Variants in CLOCK observed in about 807,000 individuals in gnomAD.
CLOCK encodes the protein clock circadian regulator.
A neutral mutation model predicts 118.4 loss-of-function variants in CLOCK; 43 were observed. The observed-to-expected ratio is 0.36, with a 90% CI of 0.28 to 0.47. The LOEUF is 0.47. CLOCK is among the 20% of genes least tolerant of loss of function. The pLI, the probability that CLOCK is intolerant of heterozygous loss-of-function variation, is 1.00. For synonymous variants in CLOCK, 326 were observed against 339.2 expected, an observed-to-expected ratio of 0.96 and a Z score of 0.43; for missense variants, 846 against 999.9, an observed-to-expected ratio of 0.85 and a Z score of 2.08.
At chr4:55,514,966 C>A (rs1340700348) in intron 1 of CLOCK, among the ~76,000 whole-genome samples, 1 of 152,138 alleles carries the variant, frequency 6.6e-6, no homozygotes, top group Non-Finnish European at 1.5e-5. Flanking sequence ...GTAATTTCTT[C>A]CTTAAATGTT....
intron 9 of CLOCK, among the ~76,000 whole-genome samples, chr4:55,462,016 TTG>T (rs374486981): frequency 5.3e-5 from 8 of 152,220 alleles, no homozygotes; most frequent in African/African-American, 1.9e-4. Flanking sequence ...GTGTTTTAAC[TTG>T]TGTTTATTCT....
At chr4:55,509,380 A>C (rs1729002030) in intron 2 of CLOCK, among the ~76,000 whole-genome samples, 1 of 152,242 alleles carries the variant, frequency 6.6e-6, no homozygotes, top group Non-Finnish European at 1.5e-5. Context: ...GTCACAAGTT[A>C]GTCTTCGAGA....
chr4:55,513,002 A>T (rs1308331806), intron 1 of CLOCK, among the ~76,000 whole-genome samples: 2 of 152,106 alleles, frequency 1.3e-5, no homozygotes, highest in Non-Finnish European at 2.9e-5. Context: ...ATAACATTGT[A>T]ATGCAATTGC....
intron 8 of CLOCK, among the ~76,000 whole-genome samples, chr4:55,464,578 G>A (rs1046969447): frequency 1.3e-5 from 2 of 152,194 alleles, no homozygotes; most frequent in African/African-American, 4.8e-5. Flanking sequence ...AGTATCTCAA[G>A]GCCTGTAAAG....
rs6824955 is a variant in CLOCK, at chr4:55,450,969, T to A, written c.1207-737A>T. Among the ~76,000 whole-genome samples, 119 of 151,584 alleles carry A rather than the reference T, an allele frequency of 7.9e-4. 1 individual carries two copies. Among genetic ancestry groups the A allele is most frequent in the African/African-American group, 2.8e-3 (117 of 41,276 alleles). On this transcript the variant is annotated intron_variant, in intron 15 of 22. Transcript: ENST00000513440. ...TCATACAGCGACACTAATCTTTCCCTTCACCAATGTTTCTTTCTCCATCAG... is the reference window on the plus strand; with the variant it reads ...TCATACAGCGACACTAATCTTTCCCATCACCAATGTTTCTTTCTCCATCAG...
At chr4:55,438,845 A>C (rs1197248439) in intron 21 of CLOCK, among the ~76,000 whole-genome samples, 1 of 152,240 alleles carries the variant, frequency 6.6e-6, no homozygotes, top group African/African-American at 2.4e-5. Flanking sequence ...AATGGACCAA[A>C]GACCAAAACA....
At chr4:55,465,687 C>T (rs1725684403) in intron 8 of CLOCK, among the ~76,000 whole-genome samples, 1 of 152,162 alleles carries the variant, frequency 6.6e-6, no homozygotes, top group African/African-American at 2.4e-5. Flanking sequence ...GTGCAGTGGT[C>T]ATGCCTGTAA....
At chr4:55,537,824 G>A (rs1351755880) in intron 1 of CLOCK, among the ~76,000 whole-genome samples, 1 of 151,888 alleles carries the variant, frequency 6.6e-6, no homozygotes, top group Non-Finnish European at 1.5e-5. Context: ...CAATTAAAGG[G>A]AAGTTTATAG....
rs1309892342 is a variant in CLOCK, at chr4:55,489,425, C to G, written c.-95G>C. The G allele has an allele frequency of 6.6e-6, 1 of 152,110 alleles. No individual in the cohort carries two copies. The highest frequency in any genetic ancestry group is 1.5e-5 in the Non-Finnish European group (1 of 68,010). The allele number at this position is 152,110 out of a possible 1,614,324, so 9.4% of individuals were successfully genotyped here. On this transcript the variant is annotated 5_prime_UTR_variant, in exon 3 of 23. Coordinates refer to ENST00000513440, the MANE Select transcript of CLOCK (RefSeq NM_004898.4). ...CTGATTCTTCAGGAAACTATAGGTT[C>G]AAGGTACTCTTCTATATGACCAACC...
chr4:55,482,030 G>C (rs1726969619), intron 4 of CLOCK, among the ~76,000 whole-genome samples: 2 of 152,128 alleles, frequency 1.3e-5, no homozygotes, highest in Non-Finnish European at 2.9e-5. Context: ...GAAAAAAAGA[G>C]TGCTACCAAT....
chr4:55,513,785 T>C (rs1182918530), intron 1 of CLOCK, among the ~76,000 whole-genome samples: 4 of 152,112 alleles, frequency 2.6e-5, no homozygotes, highest in Non-Finnish European at 5.9e-5. Context: ...GAACATGTTA[T>C]TTAGTTATTG....
chr4:55,442,534 G>T lies in CLOCK; in HGVS notation c.2003C>A (p.Ser668Tyr). ...TAPLYNTMVI[S>Y]QPAAGSMVQI... ...GACCATGCTTCCGGCTGCAGGCTGAGAAATCACCATAGTGTTATACAGTGG... is the reference window on the plus strand; with the variant it reads ...GACCATGCTTCCGGCTGCAGGCTGATAAATCACCATAGTGTTATACAGTGG... Residue 668 changes from serine (S) to tyrosine (Y), a missense_variant, in exon 21 of 23, where the codon TCT becomes TAT. Coordinates refer to ENST00000513440, the MANE Select transcript of CLOCK (RefSeq NM_004898.4). 6.2e-7 allele frequency: 1 copy of T among 1,610,672 alleles called. No individual in the cohort carries two copies. The highest frequency in any genetic ancestry group is 1.1e-5 in the South Asian group (1 of 90,734).
intron 1 of CLOCK, among the ~76,000 whole-genome samples, chr4:55,521,093 A>G (rs1292508233): frequency 2.6e-5 from 4 of 152,236 alleles, no homozygotes; most frequent in Non-Finnish European, 5.9e-5. Context: ...TATTCTTACA[A>G]AAGTGCAATT....
chr4:55,475,185 T>C (rs1162671220), intron 7 of CLOCK, among the ~76,000 whole-genome samples: 1 of 152,172 alleles, frequency 6.6e-6, no homozygotes, highest in Non-Finnish European at 1.5e-5. Context: ...TGGATAACTT[T>C]GAGGGGTTCA....
rs569379446 is a variant in CLOCK at position 55,453,036 on chromosome 4, T to A, written c.1206+18A>T. On this transcript the variant is annotated intron_variant, in intron 15 of 22. Coordinates refer to ENST00000513440, the MANE Select transcript of CLOCK (RefSeq NM_004898.4). Reference sequence around the variant, plus strand: ...GGGAGAAATTAAAAATAATTTTTTTTAATTATAAGAAACATACTTTGTCAG... The same window carrying A: ...GGGAGAAATTAAAAATAATTTTTTTAAATTATAAGAAACATACTTTGTCAG... 4.9e-5 allele frequency: 76 copies of A among 1,550,628 alleles called. No individual in the cohort carries two copies. In the South Asian group the frequency reaches 5.8e-4, roughly 12 times the overall value.
At chr4:55,484,152 T>C (rs1727130622) in intron 3 of CLOCK, among the ~76,000 whole-genome samples, 1 of 152,152 alleles carries the variant, frequency 6.6e-6, no homozygotes, top group Non-Finnish European at 1.5e-5. Context: ...TGTATGGTTA[T>C]GGCTGCAGAA....
intron 3 of CLOCK, among the ~76,000 whole-genome samples, chr4:55,486,742 T>TGCAAAGCC (rs1727325571): frequency 6.6e-6 from 1 of 152,192 alleles, no homozygotes; most frequent in Admixed American, 6.5e-5. Flanking sequence ...CCATTCTGAT[T>TGCAAAGCC]ACTGATCCTT....
intron 1 of CLOCK, among the ~76,000 whole-genome samples, chr4:55,536,626 C>T (rs1186144326): frequency 6.6e-6 from 1 of 152,174 alleles, no homozygotes; most frequent in Non-Finnish European, 1.5e-5. Context: ...CGGCACCATG[C>T]TTCCTATACA....
chr4:55,492,354 T>C (rs1283732612), intron 2 of CLOCK, among the ~76,000 whole-genome samples: 1 of 62,668 alleles, frequency 1.6e-5, no homozygotes, highest in African/African-American at 4.6e-5. Context: ...CACCTATTCA[T>C]GATAAAAAAA....
Sources: gnomAD v4.1 joint callset for allele counts (sites outside exome capture counted in the v4.1 genomes callset) on GRCh38, gnomAD v4.1.1 for gene constraint, MANE v1.5 for transcripts, NCBI Gene and HGNC (gene_info 2026-07-23, HGNC 2026-07-21) for gene names.